Variants in MEI4 observed in about 807,000 individuals in gnomAD.
MEI4 encodes the protein meiotic double-stranded break formation protein 4.
MEI4 carries 27 observed loss-of-function variants against 31.4 expected under a neutral mutation model. That is an observed-to-expected ratio of 0.86 (90% CI 0.63 to 1.19). The LOEUF (loss-of-function observed/expected upper bound fraction) is 1.19. Ranked by LOEUF, MEI4 falls within the 50% of genes most tolerant of loss-of-function variation. MEI4 has a pLI of 0.00. For synonymous variants in MEI4, 122 were observed against 145.4 expected (o/e 0.84, Z 1.16); for missense variants, 329 against 398.9 (o/e 0.82, Z 1.49).
At chr6:77,754,770 G>A (rs1767869198) in intron 2 of MEI4, among the ~76,000 whole-genome samples, 1 of 152,116 alleles carries the variant, frequency 6.6e-6, no homozygotes, top group South Asian at 2.1e-4. Flanking sequence ...GGGAAAGCAG[G>A]CACTTCTTAC....
intron 2 of MEI4, among the ~76,000 whole-genome samples, chr6:77,739,519 C>G (rs1377347058): frequency 1.3e-5 from 2 of 151,882 alleles, no homozygotes; most frequent in Non-Finnish European, 2.9e-5. Context: ...GGAAGTTGAA[C>G]AATGAGAACC....
At chr6:77,680,770 G>C (rs915473061) in intron 1 of MEI4, among the ~76,000 whole-genome samples, 3 of 152,120 alleles carry the variant, frequency 2.0e-5, no homozygotes, top group African/African-American at 7.2e-5. Flanking sequence ...TTGTAAAATG[G>C]AGCCCTGAGA....
rs182379652 is a variant in MEI4, at chr6:77,743,720, A to G, written c.233-17410A>G. ...GCAGCCTAACTGGGAGGCACCCCCC[A>G]GTAGGGGCAGACTGACACCTCACAT... On this transcript the variant is annotated intron_variant, in intron 2 of 4. Transcript: ENST00000684080. Among the ~76,000 whole-genome samples the G allele has an allele frequency of 1.4e-3, 217 of 152,292 alleles. 1 individual carries two copies. Among genetic ancestry groups the G allele is most frequent in the African/African-American group, 4.5e-3 (187 of 41,578 alleles).
chr6:77,719,074 TAA>T (rs1766653605), intron 2 of MEI4, among the ~76,000 whole-genome samples: 1 of 136,442 alleles, frequency 7.3e-6, no homozygotes, highest in Middle Eastern at 3.6e-3. Flanking sequence ...AACTTTCTGT[TAA>T]GTCGCTATCA....
At chr6:77,738,550 C>T (rs1767314599) in intron 2 of MEI4, among the ~76,000 whole-genome samples, 1 of 152,114 alleles carries the variant, frequency 6.6e-6, no homozygotes, top group African/African-American at 2.4e-5. Context: ...CTGCAATAAA[C>T]ATACATGTGC....
intron 2 of MEI4, among the ~76,000 whole-genome samples, chr6:77,729,319 G>C (rs1299256753): frequency 6.6e-6 from 1 of 152,148 alleles, no homozygotes; most frequent in Non-Finnish European, 1.5e-5. Context: ...ACCAAGGTCT[G>C]ATTTCAAAAT....
intron 3 of MEI4, among the ~76,000 whole-genome samples, chr6:77,821,002 C>T (rs1435399560): frequency 6.6e-6 from 1 of 151,952 alleles, no homozygotes; most frequent in Admixed American, 6.6e-5. Context: ...ATATTGCATG[C>T]ACATCATTTC....
At chr6:77,837,123 T>A (rs1217639741) in intron 4 of MEI4, among the ~76,000 whole-genome samples, 1 of 152,040 alleles carries the variant, frequency 6.6e-6, no homozygotes, top group Non-Finnish European at 1.5e-5. Flanking sequence ...TAAGAAAAAA[T>A]TTCCATTCCT....
chr6:77,818,434 ACAT>A (rs1193083687), intron 3 of MEI4, among the ~76,000 whole-genome samples: 1 of 152,132 alleles, frequency 6.6e-6, no homozygotes, highest in Non-Finnish European at 1.5e-5. Context: ...TAAAACAGAA[ACAT>A]CAACACCAGT....
rs186350453 is a variant in MEI4 at position 77,771,358 on chromosome 6, G to T, written c.768+9693G>T. Among the ~76,000 whole-genome samples the T allele has an allele frequency of 1.9e-3, 295 of 152,096 alleles. 2 individuals carry two copies. Among genetic ancestry groups the T allele is most frequent in the African/African-American group, 6.8e-3 (282 of 41,530 alleles). ...GTTGGGGGGAGTGTAAATTAATTCA[G>T]CCATTGTGGAAAGTATTGTGGTGAT... is the stretch of plus-strand genomic sequence containing the variant. On this transcript the variant is annotated intron_variant, in intron 3 of 4. Transcript: ENST00000684080.
intron 2 of MEI4, among the ~76,000 whole-genome samples, chr6:77,704,519 G>A (rs1766289796): frequency 6.6e-6 from 1 of 152,186 alleles, no homozygotes; most frequent in Non-Finnish European, 1.5e-5. Context: ...TTAGATCAGT[G>A]AATTCCCCAC....
chr6:77,903,150 TTC>T (rs1228754806), intron 4 of MEI4, among the ~76,000 whole-genome samples: 1 of 152,120 alleles, frequency 6.6e-6, no homozygotes, highest in African/African-American at 2.4e-5. Flanking sequence ...CTTTTTTTCT[TTC>T]TTTTTTTTCT....
intron 4 of MEI4, among the ~76,000 whole-genome samples, chr6:77,878,660 G>A (rs1168567698): frequency 6.6e-6 from 1 of 151,330 alleles, no homozygotes; most frequent in African/African-American, 2.4e-5. Context: ...GTTTCCTTTT[G>A]TTTTCTTTAT....
Position 77,802,779 on chromosome 6 carries a change from T to C in MEI4, c.769-26152T>C, listed in dbSNP as rs184444694. 2.7e-4 allele frequency among the ~76,000 whole-genome samples: 41 copies of C among 152,354 alleles called. No homozygotes were observed. The East Asian group carries it at 7.9e-3, about 29-fold the overall frequency. On this transcript the variant is annotated intron_variant, in intron 3 of 4. Transcript: ENST00000684080. ...ATTTTGTCTTGAAAATTGTTTTCTTTAAGAATGTTGAATATTGGCTCACAC... is the reference window on the plus strand; with the variant it reads ...ATTTTGTCTTGAAAATTGTTTTCTTCAAGAATGTTGAATATTGGCTCACAC...
chr6:77,883,729 TATATATATATATATAA>T (rs1011520218), intron 4 of MEI4, among the ~76,000 whole-genome samples: 6 of 140,538 alleles, frequency 4.3e-5, no homozygotes, highest in African/African-American at 1.1e-4. Context: ...TATATATATA[TATATATATATATATAA>T]CTTTGTCTTT....
intron 1 of MEI4, among the ~76,000 whole-genome samples, chr6:77,671,629 T>C (rs993682996): frequency 2.0e-5 from 3 of 152,174 alleles, no homozygotes; most frequent in Non-Finnish European, 2.9e-5. Context: ...TATTAACTCA[T>C]TGTAGCCCCT....
chr6:77,688,667 T>G (rs1175074324), intron 1 of MEI4, among the ~76,000 whole-genome samples: 2 of 152,120 alleles, frequency 1.3e-5, no homozygotes, highest in African/African-American at 4.8e-5. Flanking sequence ...GTTTTTCTAG[T>G]TTTTTCTTTT....
intron 4 of MEI4, among the ~76,000 whole-genome samples, chr6:77,866,920 A>G (rs912231459): frequency 2.0e-5 from 3 of 152,218 alleles, no homozygotes; most frequent in Admixed American, 6.5e-5. Context: ...ATAATGCCGC[A>G]TATCTACAAC....
intron 2 of MEI4, among the ~76,000 whole-genome samples, chr6:77,734,050 A>T (rs952031616): frequency 2.0e-5 from 3 of 151,782 alleles, no homozygotes; most frequent in African/African-American, 7.3e-5. Context: ...ACTTCCAAGT[A>T]TGTGGTCAGT....
Sources: gnomAD v4.1 joint callset for allele counts (sites outside exome capture counted in the v4.1 genomes callset) on GRCh38, gnomAD v4.1.1 for gene constraint, MANE v1.5 for transcripts, NCBI Gene and HGNC (gene_info 2026-07-23, HGNC 2026-07-21) for gene names.